The following PLOD1 variants were observed in gnomAD, a reference collection of about 807,000 sequenced individuals.
The protein encoded by PLOD1 is lysine hydroxylase.
In PLOD1, 70 loss-of-function variants were observed where a neutral mutation model predicts 94.7. The ratio of observed to expected loss-of-function variants is 0.74; its 90% confidence interval spans 0.61 to 0.90. The LOEUF (loss-of-function observed/expected upper bound fraction) is 0.90, where lower values mean the gene tolerates loss of function less well. PLOD1 is among the 40% of genes least tolerant of loss of function. The pLI is 0.00. For synonymous variants in PLOD1, 417 were observed against 400.2 expected (o/e 1.04, Z -0.50); for missense variants, 905 against 972.7 (o/e 0.93, Z 0.93).
chr1:11,949,816 C>T lies in PLOD1; in HGVS notation c.212C>T (p.Ser71Leu), dbSNP rs2100743367. 1 of 1,613,922 alleles carries T rather than the reference C, an allele frequency of 6.2e-7. No homozygotes were observed. The highest frequency in any genetic ancestry group is 2.2e-5 in the East Asian group (1 of 44,874). The change falls in exon 3 of 19, where the codon TCG (serine) becomes TTG (leucine). Residue 71 changes from serine to leucine, a missense_variant. Physicochemically the swap from Ser to Leu is moderately radical, Grantham distance 145. Coordinates refer to ENST00000196061, the MANE Select transcript of PLOD1 (RefSeq NM_000302.4). ...GEDWNVEKGT[S>L]AGGGQKVRLL... ...GACTGGAATGTGGAGAAGGGGACGTCGGCAGGTGGAGGGCAGAAGGTCCGG... is the reference window on the plus strand; with the variant it reads ...GACTGGAATGTGGAGAAGGGGACGTTGGCAGGTGGAGGGCAGAAGGTCCGG...
rs1645824383 is a variant in PLOD1, at chr1:11,967,088, C to G, written c.1752C>G (p.Asn584Lys). The G allele has an allele frequency of 6.3e-7, 1 of 1,598,584 alleles. No homozygotes were observed. The change falls in exon 16 of 19, where the codon AAC (asparagine) becomes AAG (lysine). Residue 584 changes from asparagine (N) to lysine (K), a missense_variant. Physicochemically the swap from Asn to Lys is moderately conservative, Grantham distance 94. Transcript: ENST00000196061. ...TTGGCCAGTGGTCTCTGGGCAACAA[C>G]AAGGTGGGACCCTGATGCCTGGGCT... Reference protein sequence around the residue: ...EHFGQWSLGNNKDNRIQGGYE... With the variant: ...EHFGQWSLGNKKDNRIQGGYE...
At chr1:11,953,723 C>A (rs566480132) in intron 5 of PLOD1, among the ~76,000 whole-genome samples, 1 of 151,014 alleles carries the variant, frequency 6.6e-6, no homozygotes, top group Non-Finnish European at 1.5e-5. Flanking sequence ...ACCTGGGAGG[C>A]GGAGGTTGCA....
chr1:11,942,904 A>C (rs1016390374), intron 1 of PLOD1, among the ~76,000 whole-genome samples: 2 of 152,114 alleles, frequency 1.3e-5, no homozygotes, highest in African/African-American at 2.4e-5. Context: ...GAACTGGACA[A>C]TCACGTGGGA....
chr1:11,934,737 G>C lies in PLOD1; in HGVS notation c.-43G>C, dbSNP rs1362273417. Reference sequence around the variant, plus strand: ...GCCCCGTCGCGAAGTTTCCAGCCCTGCGAGCGCCGCCGGGTCGGCCGATCG... The same window carrying C: ...GCCCCGTCGCGAAGTTTCCAGCCCTCCGAGCGCCGCCGGGTCGGCCGATCG... On this transcript the variant is annotated 5_prime_UTR_variant, in exon 1 of 19. Coordinates refer to ENST00000196061, the MANE Select transcript of PLOD1 (RefSeq NM_000302.4). 2 of 1,518,282 alleles carry C rather than the reference G, an allele frequency of 1.3e-6. No individual in the cohort carries two copies. Among genetic ancestry groups the C allele is most frequent in the East Asian group, 5.2e-5 (2 of 38,260 alleles). The allele number at this position is 1,518,282 out of a possible 1,614,324, so 94.1% of individuals were successfully genotyped here. A position where few individuals can be genotyped will look rare whatever the true frequency, so the allele number is the denominator to read the frequency against.
rs1201663197 is a variant in PLOD1 at position 11,961,314 on chromosome 1, A to T, written c.1097+547A>T. Reference sequence around the variant, plus strand: ...GCAGGAGGACCTCTTGAGCCCGGGAAGTCGAGGTTGCATGAGCTATGATTG... The same window carrying T: ...GCAGGAGGACCTCTTGAGCCCGGGATGTCGAGGTTGCATGAGCTATGATTG... On this transcript the variant is annotated intron_variant, in intron 10 of 18. Coordinates refer to ENST00000196061, the MANE Select transcript of PLOD1 (RefSeq NM_000302.4). Among the ~76,000 whole-genome samples the T allele has an allele frequency of 2.0e-5, 3 of 152,146 alleles. No homozygotes were observed. The East Asian group carries it at 5.8e-4, about 29-fold the overall frequency.
Position 11,937,922 on chromosome 1 carries a change from ATT to A in PLOD1, c.76+3083_76+3084del, listed in dbSNP as rs1218806419. Among the ~76,000 whole-genome samples, 583 of 97,152 alleles carry A rather than the reference ATT, an allele frequency of 6.0e-3. 4 individuals carry two copies. Among genetic ancestry groups the A allele is most frequent in the African/African-American group, 0.019 (529 of 28,306 alleles). 63.7% of individuals were successfully genotyped at this position (97,152 alleles called of 152,430 possible). ...CCATTTGGATCCCTCCCTGTTTTCC[ATT>A]TTTTTTTTTTTTTTTAAGTTTTCAT... On this transcript the variant is annotated intron_variant, in intron 1 of 18. Transcript: ENST00000196061.
intron 16 of PLOD1, among the ~76,000 whole-genome samples, chr1:11,968,509 T>A (rs1189709274): frequency 6.6e-6 from 1 of 151,794 alleles, no homozygotes; most frequent in Non-Finnish European, 1.5e-5. Context: ...ACCTCTGATT[T>A]TCTTTTTTCT....
chr1:11,955,005 C>T, intron 6 of PLOD1, 112 bp downstream of exon 6: 1 of 828,612 alleles, frequency 1.2e-6, no homozygotes, highest in Non-Finnish European at 2.0e-6. Flanking sequence ...GGCCATTGTG[C>T]TGAGAGGTCA....
Position 11,934,743 on chromosome 1 carries a change from G to A in PLOD1, c.-37G>A, listed in dbSNP as rs1645565251. On this transcript the variant is annotated 5_prime_UTR_variant, in exon 1 of 19. Transcript: ENST00000196061. The stretch of plus-strand genomic sequence containing the variant: ...TCGCGAAGTTTCCAGCCCTGCGAGC[G>A]CCGCCGGGTCGGCCGATCGTCCCCC... 1 of 1,518,724 alleles carries A rather than the reference G, an allele frequency of 6.6e-7. No homozygotes were observed. The highest frequency in any genetic ancestry group is 8.8e-7 in the Non-Finnish European group (1 of 1,139,902). 94.1% of individuals were successfully genotyped at this position (1,518,724 alleles called of 1,614,324 possible).
At chr1:11,974,592 C>T (rs1645890006) in intron 18 of PLOD1, 61 bp from the exon 19 acceptor site, 11 of 1,528,654 alleles carry the variant, frequency 7.2e-6, no homozygotes, top group East Asian at 2.3e-5. Context: ...GAGATCATGA[C>T]GGGAGAACAG....
At chr1:11,946,179 A>G (rs562127823) in intron 1 of PLOD1, among the ~76,000 whole-genome samples, 2 of 152,320 alleles carry the variant, frequency 1.3e-5, no homozygotes, top group South Asian at 2.1e-4. Context: ...TCACATGGCT[A>G]TTAAGGAGCA....
chr1:11,936,787 T>C (rs1645582055), intron 1 of PLOD1, among the ~76,000 whole-genome samples: 1 of 151,772 alleles, frequency 6.6e-6, no homozygotes, highest in African/African-American at 2.4e-5. Flanking sequence ...CCTCCCAAAG[T>C]GCTGGGATTA....
At chr1:11,944,090 G>A (rs958722220) in intron 1 of PLOD1, among the ~76,000 whole-genome samples, 5 of 152,174 alleles carry the variant, frequency 3.3e-5, no homozygotes, top group African/African-American at 1.2e-4. Context: ...AAAATTAGCT[G>A]GGCGTGGTGG....
Position 11,957,989 on chromosome 1 carries a change from G to A in PLOD1, c.843+46G>A, listed in dbSNP as rs1257335336. On this transcript the variant is annotated intron_variant, in intron 8 of 18. Coordinates refer to ENST00000196061, the MANE Select transcript of PLOD1 (RefSeq NM_000302.4). This position sits in a 1 kb window ranked among gnomAD's most constrained non-coding sequence, Gnocchi z 4.1. ...GTGCCTGAGGGACACGGGGGGCTCAGTCCCCTGAGATGGCGAGATGGGTGA... is the reference window on the plus strand; with the variant it reads ...GTGCCTGAGGGACACGGGGGGCTCAATCCCCTGAGATGGCGAGATGGGTGA... 6 of 1,242,046 alleles carry A rather than the reference G, an allele frequency of 4.8e-6. No individual in the cohort carries two copies. The Admixed American group carries it at 1.0e-4, about 21-fold the overall frequency. 76.9% of individuals were successfully genotyped at this position (1,242,046 alleles called of 1,614,324 possible). A position where few individuals can be genotyped will look rare whatever the true frequency, so the allele number is the denominator to read the frequency against.
chr1:11,962,865 A>T (rs1328941446), intron 10 of PLOD1, among the ~76,000 whole-genome samples: 1 of 151,766 alleles, frequency 6.6e-6, no homozygotes, highest in Non-Finnish European at 1.5e-5. Flanking sequence ...ACATGGTAAA[A>T]CCCTGTCTCT....
rs960778465 is a variant in PLOD1 at position 11,958,592 on chromosome 1, G to A, written c.920G>A (p.Arg307Gln). 20 of 1,613,940 alleles carry A rather than the reference G, an allele frequency of 1.2e-5. No individual in the cohort carries two copies. Among genetic ancestry groups the A allele is most frequent in the Non-Finnish European group, 1.7e-5 (20 of 1,180,012 alleles). The change falls in exon 9 of 19, where the codon CGG becomes CAG. Residue 307 changes from arginine to glutamine, a missense_variant. By Grantham distance (43) the Arg-to-Gln change is conservative. Coordinates refer to ENST00000196061, the MANE Select transcript of PLOD1 (RefSeq NM_000302.4). This position sits in a 1 kb window ranked among gnomAD's most constrained non-coding sequence, Gnocchi z 4.3. Reference sequence around the variant, plus strand: ...CCGTTTGTGTCCCTGTTCTTCCAGCGGCTCCTGCGGCTCCACTACCCCCAG... The same window carrying A: ...CCGTTTGTGTCCCTGTTCTTCCAGCAGCTCCTGCGGCTCCACTACCCCCAG... ...PTPFVSLFFQ[R>Q]LLRLHYPQKH...
chr1:11,954,776 C>G, intron 5 of PLOD1, 54 bp from the exon 6 acceptor site: 1 of 1,339,576 alleles, frequency 7.5e-7, no homozygotes, highest in Non-Finnish European at 1.1e-6. Flanking sequence ...AGATGTAGCC[C>G]CAGCCTCCCC....
chr1:11,950,605 A>G (rs1645693679), intron 4 of PLOD1, 85 bp downstream of exon 4: 4 of 1,249,948 alleles, frequency 3.2e-6, no homozygotes, highest in Non-Finnish European at 4.6e-6. Flanking sequence ...TTGACGTGCA[A>G]TCTGGGTGTC....
intron 13 of PLOD1, among the ~76,000 whole-genome samples, 181 bp downstream of exon 13, chr1:11,964,966 G>A (rs961552102): frequency 6.6e-6 from 1 of 152,186 alleles, no homozygotes; most frequent in Non-Finnish European, 1.5e-5. Context: ...CGTCGGGCAC[G>A]AGGGCTGGTC....
Sources: allele counts gnomAD v4.1 joint callset (sites outside exome capture counted in the v4.1 genomes callset), GRCh38; gene constraint gnomAD v4.1.1; non-coding constraint Gnocchi (gnomAD v3.1); transcripts MANE v1.5; gene names NCBI Gene and HGNC (gene_info 2026-07-23, HGNC 2026-07-21).